MTIF2: variants seen among roughly 807,000 people sequenced by gnomAD.
MTIF2 encodes the protein mitochondrial translational initiation factor 2, also known as translation initiation factor IF-2, mitochondrial.
MTIF2 carries 71 observed loss-of-function variants against 83.5 expected under a neutral mutation model. That is an observed-to-expected ratio of 0.85 (90% CI 0.70 to 1.04). The LOEUF (loss-of-function observed/expected upper bound fraction) is 1.04, where lower values mean the gene tolerates loss of function less well. Among genes scored for constraint, MTIF2 ranks in the 50% least tolerant of loss-of-function variants. The pLI, the probability that MTIF2 is intolerant of heterozygous loss-of-function variation, is 0.00. For synonymous variants in MTIF2, 319 were observed against 287.1 expected, an observed-to-expected ratio of 1.11 and a Z score of -1.12; for missense variants, 957 against 846.5, an observed-to-expected ratio of 1.13 and a Z score of -1.62.
At chr2:55,253,102 T>C (rs1302035952) in intron 7 of MTIF2, among the ~76,000 whole-genome samples, 1 of 152,182 alleles carries the variant, frequency 6.6e-6, no homozygotes, top group Non-Finnish European at 1.5e-5. Flanking sequence ...ACTGGCTATA[T>C]ACTGTGGGAA....
intron 14 of MTIF2, among the ~76,000 whole-genome samples, chr2:55,238,318 CATT>C (rs1312048768): frequency 6.6e-6 from 1 of 151,226 alleles, no homozygotes; most frequent in Non-Finnish European, 1.5e-5. Context: ...CACCTGACCT[CATT>C]ATTTTTCATT....
chr2:55,249,380 G>A lies in MTIF2; in HGVS notation c.981+15C>T. On this transcript the variant is annotated intron_variant, in intron 9 of 15. Coordinates refer to ENST00000263629, the MANE Select transcript of MTIF2 (RefSeq NM_002453.3). ...TTCCCATCCAGGCATATTTATATGA[G>A]GTCCCCGCATTTACCGTAAGTGCGG... The A allele has an allele frequency of 6.2e-7, 1 of 1,612,548 alleles. No individual in the cohort carries two copies. Among genetic ancestry groups the A allele is most frequent in the Non-Finnish European group, 8.5e-7 (1 of 1,179,222 alleles).
At chr2:55,262,217 G>A in intron 5 of MTIF2, 99 bp downstream of exon 5, 2 of 804,232 alleles carry the variant, frequency 2.5e-6, no homozygotes, top group East Asian at 2.4e-5. Flanking sequence ...TTAAGTGCCA[G>A]TCTAGTTTTT....
intron 3 of MTIF2, among the ~76,000 whole-genome samples, chr2:55,265,125 C>G (rs1207367536): frequency 6.6e-6 from 1 of 151,674 alleles, no homozygotes; most frequent in Non-Finnish European, 1.5e-5. Context: ...CGCCTGCAAT[C>G]CCAGCTACCC....
At chr2:55,263,050 AT>A (rs2104463920) in intron 4 of MTIF2, among the ~76,000 whole-genome samples, 1 of 152,254 alleles carries the variant, frequency 6.6e-6, no homozygotes, top group African/African-American at 2.4e-5. Flanking sequence ...TTTAGTAGTG[AT>A]GGGGTTTCAC....
Position 55,243,605 on chromosome 2 carries a change from C to G in MTIF2, c.1375G>C (p.Asp459His). ...CGCTTTTCTTCTATTATTTTCAGAT[C>G]CTCCTGACCTTTCTCCTGTTCTTGT... ...YEQEQEKGQE[D>H]LKIIEEKRKE... is the part of the protein sequence containing the mutation. Residue 459 changes from aspartate to histidine, a missense_variant, in exon 12 of 16, where the codon GAT becomes CAT. This residue lies in a region of MTIF2 where 733 missense variants were observed against 648.7 expected (regional missense o/e 1.13). Transcript: ENST00000263629. 6.2e-7 allele frequency: 1 copy of G among 1,614,014 alleles called. No individual in the cohort carries two copies.
chr2:55,248,658 CAT>C (rs1281106647), intron 9 of MTIF2, among the ~76,000 whole-genome samples: 2 of 152,158 alleles, frequency 1.3e-5, no homozygotes, highest in Non-Finnish European at 2.9e-5. Context: ...CATTTTAAAA[CAT>C]GTAGCAATTT....
At chr2:55,261,433 C>G (rs1450276288) in intron 5 of MTIF2, among the ~76,000 whole-genome samples, 1 of 151,464 alleles carries the variant, frequency 6.6e-6, no homozygotes, top group Non-Finnish European at 1.5e-5. Context: ...TGGTGAAACC[C>G]CGTCTCTACT....
At chr2:55,257,438 G>A (rs371346603) in intron 5 of MTIF2, among the ~76,000 whole-genome samples, 3 of 152,078 alleles carry the variant, frequency 2.0e-5, no homozygotes, top group Non-Finnish European at 4.4e-5. Flanking sequence ...CTGAGACTGC[G>A]CCACTGCACT....
At chr2:55,252,930 CTATT>C (rs1240457258) in intron 7 of MTIF2, among the ~76,000 whole-genome samples, 3 of 152,066 alleles carry the variant, frequency 2.0e-5, no homozygotes, top group Admixed American at 2.0e-4. Flanking sequence ...ACTGATATAT[CTATT>C]TTAGAGACAG....
intron 6 of MTIF2, 35 bp downstream of exon 6, chr2:55,254,619 C>T (rs1446886688): frequency 6.6e-7 from 1 of 1,516,788 alleles, no homozygotes; most frequent in African/African-American, 1.4e-5. Flanking sequence ...TGTAGTCTCC[C>T]CCAAACCCTG....
At position 55,268,749 on chromosome 2, in the gene MTIF2, G is replaced by T. The variant is rs992498518; in HGVS notation, c.-236-10C>A. ...ATCCTTGTCAAGGAATCTGAAAAAA[G>T]TATGTTGCAAATACGTAGTTGCGTT... On this transcript the variant is annotated splice_polypyrimidine_tract_variant and intron_variant, in intron 1 of 15. Transcript: ENST00000263629. 6.6e-6 allele frequency: 1 copy of T among 152,230 alleles called. No homozygotes were observed. Among genetic ancestry groups the T allele is most frequent in the Non-Finnish European group, 1.5e-5 (1 of 68,038 alleles). 9.4% of individuals were successfully genotyped at this position (152,230 alleles called of 1,614,324 possible). A position where few individuals can be genotyped will look rare whatever the true frequency, so the allele number is the denominator to read the frequency against.
chr2:55,251,876 T>C (rs1248213256), intron 8 of MTIF2, among the ~76,000 whole-genome samples: 1 of 152,188 alleles, frequency 6.6e-6, no homozygotes, highest in African/African-American at 2.4e-5. Flanking sequence ...TCCACCGGCC[T>C]CGGCCTCCCA....
At chr2:55,243,188 T>C in intron 12 of MTIF2, 108 bp from the exon 13 acceptor site, 1 of 1,211,156 alleles carries the variant, frequency 8.3e-7, no homozygotes, top group East Asian at 2.5e-5. Flanking sequence ...CATTTATCAC[T>C]AAATCCACTT....
At chr2:55,247,284 C>A (rs2920965) in intron 9 of MTIF2, among the ~76,000 whole-genome samples, 1 of 152,148 alleles carries the variant, frequency 6.6e-6, no homozygotes, top group African/African-American at 2.4e-5. Flanking sequence ...GGGCCGGGCA[C>A]GGTGGCTCAT....
Position 55,262,075 on chromosome 2 carries a change from C to T in MTIF2, c.331+241G>A, listed in dbSNP as rs375804994. Among the ~76,000 whole-genome samples, 14 of 151,930 alleles carry T rather than the reference C, an allele frequency of 9.2e-5. 1 individual carries two copies. In the East Asian group the frequency reaches 2.1e-3, roughly 23 times the overall value. The stretch of plus-strand genomic sequence containing the variant: ...CCCACAAAACTTCCGAGAAAGAAAA[C>T]TTAATTCGTATAAGAAAATCTTTTC... On this transcript the variant is annotated intron_variant, in intron 5 of 15. Transcript: ENST00000263629.
intron 9 of MTIF2, among the ~76,000 whole-genome samples, chr2:55,247,397 C>T (rs560495274): frequency 6.6e-6 from 1 of 151,918 alleles, no homozygotes. Context: ...ACTAAAAATA[C>T]AAAAAATTAG....
chr2:55,261,446 A>T (rs1677983076), intron 5 of MTIF2, among the ~76,000 whole-genome samples: 1 of 151,550 alleles, frequency 6.6e-6, no homozygotes, highest in African/African-American at 2.4e-5. Context: ...TCTCTACTAA[A>T]AAAAAAAAAA....
intron 15 of MTIF2, 120 bp from the exon 16 acceptor site, chr2:55,236,940 T>C: frequency 2.3e-6 from 2 of 851,790 alleles, no homozygotes; most frequent in Non-Finnish European, 3.3e-6. Context: ...TATGGTCTTG[T>C]CAAGTTAAAT....
Sources: allele counts gnomAD v4.1 joint callset (sites outside exome capture counted in the v4.1 genomes callset), GRCh38; gene constraint gnomAD v4.1.1; regional missense constraint gnomAD v4.1.1; transcripts MANE v1.5; gene names NCBI Gene and HGNC (gene_info 2026-07-23, HGNC 2026-07-21).